The following DMD variants were observed in gnomAD, a reference collection of about 807,000 sequenced individuals.
DMD encodes mutant dystrophin.
Under a neutral mutation model 330.1 loss-of-function variants are expected in DMD, and 63 were observed. The ratio of observed to expected loss-of-function variants is 0.19; its 90% CI spans 0.16 to 0.24. The LOEUF is 0.24. Ranked by LOEUF, DMD falls within the 10% of genes least tolerant of loss-of-function variation. DMD has a pLI of 1.00. For missense variants in DMD, 3,344 were observed against 2,684.1 expected, an observed-to-expected ratio of 1.25 and a Z score of -5.43; for synonymous variants, 1,223 against 959.8, an observed-to-expected ratio of 1.27 and a Z score of -5.07.
At chrX:31,234,187 C>T (rs1397798857) in intron 63 of DMD, among the ~76,000 whole-genome samples, 1 of 111,876 alleles carries the variant, frequency 8.9e-6, no homozygotes, top group Non-Finnish European at 1.9e-5. Flanking sequence ...TTTGCCTCAG[C>T]CTGACCACTC....
chrX:32,069,615 G>A (rs1284319480), intron 44 of DMD, among the ~76,000 whole-genome samples: 1 of 111,782 alleles, frequency 8.9e-6, no homozygotes, highest in Non-Finnish European at 1.9e-5. Context: ...AAATTTCAAT[G>A]AAGCATTTTA....
intron 43 of DMD, among the ~76,000 whole-genome samples, chrX:32,280,568 C>A (rs2097416866): frequency 9.0e-6 from 1 of 110,958 alleles, no homozygotes. Context: ...GATAATCCTT[C>A]GTGAGTTGTC....
chrX:31,507,550 A>G, intron 55 of DMD, 97 bp from the exon 56 acceptor site: 1 of 862,550 alleles, frequency 1.2e-6, no homozygotes, highest in Non-Finnish European at 1.6e-6. Flanking sequence ...ATAAATAATT[A>G]TTAGTTCAAA....
chrX:32,328,730 C>G (rs759759764), intron 41 of DMD, among the ~76,000 whole-genome samples: 5 of 109,857 alleles, frequency 4.6e-5, no homozygotes, highest in East Asian at 5.7e-4. Flanking sequence ...AAAGTTCTGC[C>G]CTTTACTTTT....
chrX:31,461,214 C>A (rs954357633), intron 59 of DMD, among the ~76,000 whole-genome samples: 2 of 111,848 alleles, frequency 1.8e-5, no homozygotes, highest in African/African-American at 6.5e-5. Context: ...ATATTTATTA[C>A]TTGTAATTGA....
intron 42 of DMD, among the ~76,000 whole-genome samples, chrX:32,301,552 C>A (rs1403745576): frequency 9.0e-6 from 1 of 110,544 alleles, no homozygotes; most frequent in African/African-American, 3.3e-5. Flanking sequence ...AAAGACTTGA[C>A]AATTCATAAG....
chrX:31,440,682 G>A lies in DMD; in HGVS notation c.9084+3799C>T, dbSNP rs920224754. ...TCACAAGGTTGTGATTCTTAGATGA[G>A]AGAATGCACATGAGGACTTTTTCTA... On this transcript the variant is annotated intron_variant, in intron 60 of 78. Transcript: ENST00000357033. Among the ~76,000 whole-genome samples, 5 of 112,201 alleles carry A rather than the reference G, an allele frequency of 4.5e-5. No individual in the cohort carries two copies. In the East Asian group the frequency reaches 1.4e-3, roughly 31 times the overall value.
At chrX:32,941,405 A>C (rs1382834386) in intron 2 of DMD, among the ~76,000 whole-genome samples, 2 of 112,213 alleles carry the variant, frequency 1.8e-5, no homozygotes, top group East Asian at 2.8e-4. Flanking sequence ...TAACCTAGAT[A>C]CACATCATTG....
At chrX:32,666,106 G>A (rs932040775) in intron 9 of DMD, among the ~76,000 whole-genome samples, 1 of 110,233 alleles carries the variant, frequency 9.1e-6, no homozygotes, top group Middle Eastern at 4.9e-3. Context: ...ACAGACTTCT[G>A]ACATATATGA....
intron 18 of DMD, among the ~76,000 whole-genome samples, chrX:32,511,532 A>G (rs923008620): frequency 2.8e-5 from 3 of 106,618 alleles, no homozygotes; most frequent in Non-Finnish European, 5.8e-5. Context: ...GGGAAAAAAA[A>G]AAAAAAAAAA....
chrX:31,342,112 C>T (rs769697213), intron 61 of DMD, among the ~76,000 whole-genome samples: 261 of 111,632 alleles, frequency 2.3e-3, no homozygotes, highest in Middle Eastern at 0.014. Context: ...TTGGAAACTA[C>T]TGGTATAGAT....
chrX:31,152,206 G>C (rs2037510812), intron 74 of DMD, among the ~76,000 whole-genome samples: 4 of 99,529 alleles, frequency 4.0e-5, no homozygotes, highest in East Asian at 3.0e-4. Flanking sequence ...TTTTGAGATG[G>C]AGGCTGGGGT....
At chrX:31,510,754 C>T (rs371655444) in intron 55 of DMD, among the ~76,000 whole-genome samples, 6 of 110,393 alleles carry the variant, frequency 5.4e-5, no homozygotes, top group African/African-American at 2.0e-4. Context: ...CGTGATCCGC[C>T]CACCTTGGCC....
At chrX:33,214,674 G>A (rs2052019382), upstream of DMD, among the ~76,000 whole-genome samples, 1 of 111,850 alleles carries the variant, frequency 8.9e-6, no homozygotes, top group Non-Finnish European at 1.9e-5. Flanking sequence ...TCATTTAAGA[G>A]ATGGAGGCTT....
intron 13 of DMD, among the ~76,000 whole-genome samples, chrX:32,589,876 TC>T (rs1236426800): frequency 1.8e-5 from 2 of 111,373 alleles, no homozygotes. Context: ...TCAAATGGCT[TC>T]CTTCCCCAGA....
chrX:33,224,693 AG>A (rs1265263497), intron 1 of DMD, among the ~76,000 whole-genome samples: 1 of 111,399 alleles, frequency 9.0e-6, no homozygotes, highest in African/African-American at 3.3e-5. Flanking sequence ...CAACAACAAG[AG>A]TAAACTCTAA....
At chrX:33,206,383 A>T (rs2051573053) in intron 1 of DMD, among the ~76,000 whole-genome samples, 1 of 111,825 alleles carries the variant, frequency 8.9e-6, no homozygotes, top group Non-Finnish European at 1.9e-5. Context: ...ACATTTTATC[A>T]GCATGGCAAG....
Position 32,565,844 on chromosome X carries a change from A to C in DMD, c.1850T>G (p.Met617Arg). ...TTGTTTGAGTGAATACAGTTTGCCC[A>C]TGGATTGCTTTTTCTTTTCTAGATC... ...KADLEKKKQS[M>R]GKLYSLKQDL... Residue 617 changes from methionine (M) to arginine (R), a missense_variant, in exon 16 of 79, where the codon ATG (methionine) becomes AGG (arginine). Coordinates refer to ENST00000357033, the MANE Select transcript of DMD (RefSeq NM_004006.3). 8.3e-7 allele frequency: 1 copy of C among 1,211,700 alleles called. No homozygotes were observed.
At chrX:32,582,795 G>A (rs5972604) in intron 13 of DMD, among the ~76,000 whole-genome samples, 17,668 of 111,488 alleles carry the variant, frequency 0.16, 3,393 homozygotes, top group African/African-American at 0.54. Context: ...TTCTTAGAGC[G>A]CTTACTTTAG....
Sources: gnomAD v4.1 joint callset for allele counts (sites outside exome capture counted in the v4.1 genomes callset) on GRCh38, gnomAD v4.1.1 for gene constraint, MANE v1.5 for transcripts, NCBI Gene and HGNC (gene_info 2026-07-23, HGNC 2026-07-21) for gene names.